The following MYO3B variants were observed in gnomAD, a reference collection of about 807,000 sequenced individuals.
MYO3B encodes myosin IIIB.
Under a neutral mutation model 174.6 loss-of-function variants are expected in MYO3B, and 156 were observed. The ratio of observed to expected loss-of-function variants is 0.89; its 90% confidence interval spans 0.78 to 1.02. MYO3B has a LOEUF of 1.02. Ranked by LOEUF, MYO3B falls within the 50% of genes least tolerant of loss-of-function variation. The probability of loss-of-function intolerance (pLI) is 0.00; values close to 1 mark genes in which losing one functional copy is unlikely to be tolerated. For missense variants in MYO3B, 1,632 were observed against 1,639.4 expected (o/e 1.00, Z 0.08); for synonymous variants, 563 against 569.1 (o/e 0.99, Z 0.15).
chr2:170,526,175 G>C (rs1207943220), intron 30 of MYO3B, among the ~76,000 whole-genome samples: 1 of 152,184 alleles, frequency 6.6e-6, no homozygotes, highest in East Asian at 1.9e-4. Flanking sequence ...CATTGGACAA[G>C]TTCCTTCCTC....
intron 7 of MYO3B, among the ~76,000 whole-genome samples, chr2:170,311,168 T>C (rs1362820164): frequency 6.6e-6 from 1 of 152,174 alleles, no homozygotes; most frequent in Non-Finnish European, 1.5e-5. Context: ...CGATTCTGTG[T>C]TTTAGCCTTT....
At chr2:170,439,973 C>A (rs1358108282) in intron 22 of MYO3B, among the ~76,000 whole-genome samples, 2 of 152,184 alleles carry the variant, frequency 1.3e-5, no homozygotes, top group Non-Finnish European at 2.9e-5. Context: ...AGCCACCATG[C>A]CTGGCTATAG....
At chr2:170,400,792 G>A (rs2094470785) in intron 17 of MYO3B, among the ~76,000 whole-genome samples, 1 of 151,670 alleles carries the variant, frequency 6.6e-6, no homozygotes, top group Admixed American at 6.6e-5. Context: ...CAAGTATTCT[G>A]CAGAAAAGAA....
intron 30 of MYO3B, among the ~76,000 whole-genome samples, chr2:170,521,992 A>G (rs1419222379): frequency 2.0e-5 from 3 of 152,132 alleles, no homozygotes; most frequent in Admixed American, 2.0e-4. Flanking sequence ...CCCTCTTCCA[A>G]GGGTATCTGT....
At chr2:170,398,789 A>G (rs1349079171) in intron 16 of MYO3B, among the ~76,000 whole-genome samples, 1 of 152,178 alleles carries the variant, frequency 6.6e-6, no homozygotes, top group Non-Finnish European at 1.5e-5. Context: ...CAATTCATAT[A>G]CCAAAATCCA....
chr2:170,431,332 A>G (rs970104435), intron 22 of MYO3B, among the ~76,000 whole-genome samples: 10 of 152,096 alleles, frequency 6.6e-5, no homozygotes, highest in Non-Finnish European at 1.3e-4. Context: ...AAACAGAGCA[A>G]CTCCACTATT....
chr2:170,424,225 C>G (rs1224114720), intron 22 of MYO3B, among the ~76,000 whole-genome samples: 1 of 152,158 alleles, frequency 6.6e-6, no homozygotes, highest in Non-Finnish European at 1.5e-5. Context: ...TTCCTGAGTT[C>G]CTTTTCCAGG....
intron 28 of MYO3B, among the ~76,000 whole-genome samples, chr2:170,511,311 C>T (rs1387653650): frequency 1.3e-5 from 2 of 151,766 alleles, no homozygotes; most frequent in Non-Finnish European, 2.9e-5. Context: ...CGTGATCCGC[C>T]TGCCTCGGCT....
At chr2:170,604,468 G>A (rs1370730460) in intron 32 of MYO3B, among the ~76,000 whole-genome samples, 1 of 151,602 alleles carries the variant, frequency 6.6e-6, no homozygotes, top group Non-Finnish European at 1.5e-5. Context: ...AATTAAAACT[G>A]TTAATTAAAC....
chr2:170,417,458 G>A (rs72876364), intron 22 of MYO3B, among the ~76,000 whole-genome samples: 4 of 152,132 alleles, frequency 2.6e-5, no homozygotes, highest in Admixed American at 2.0e-4. Context: ...AAAGTTGAAG[G>A]CCAAGTCTGG....
At chr2:170,248,221 A>G (rs905026979) in intron 7 of MYO3B, among the ~76,000 whole-genome samples, 7 of 152,024 alleles carry the variant, frequency 4.6e-5, no homozygotes, top group African/African-American at 1.7e-4. Flanking sequence ...TTCCTTCCGG[A>G]AGGGTGAAGG....
chr2:170,371,666 G>T (rs2094245765), intron 9 of MYO3B, among the ~76,000 whole-genome samples: 1 of 147,082 alleles, frequency 6.8e-6, no homozygotes. Context: ...TATATTTAAA[G>T]CTGTGGTTTT....
At chr2:170,544,938 A>C (rs1391395916) in intron 32 of MYO3B, among the ~76,000 whole-genome samples, 1 of 152,212 alleles carries the variant, frequency 6.6e-6, no homozygotes. Flanking sequence ...GAGAGAATTT[A>C]GGGGAAAAAC....
At chr2:170,504,394 T>C (rs1687489238) in intron 28 of MYO3B, among the ~76,000 whole-genome samples, 1 of 152,198 alleles carries the variant, frequency 6.6e-6, no homozygotes, top group Non-Finnish European at 1.5e-5. Flanking sequence ...TACATGTTGC[T>C]ACAGGGCAGC....
At chr2:170,250,743 A>G (rs9287936) in intron 7 of MYO3B, among the ~76,000 whole-genome samples, 8 of 152,010 alleles carry the variant, frequency 5.3e-5, no homozygotes, top group Non-Finnish European at 1.2e-4. Flanking sequence ...GTGGGGTTTT[A>G]TTGGGTGGTG....
chr2:170,638,673 GTC>G, intron 32 of MYO3B, among the ~76,000 whole-genome samples: 1 of 152,242 alleles, frequency 6.6e-6, no homozygotes, highest in East Asian at 1.9e-4. Context: ...CATCAGGCAT[GTC>G]TCTCACTGCA....
intron 25 of MYO3B, among the ~76,000 whole-genome samples, chr2:170,480,971 A>G (rs1685655809): frequency 6.6e-6 from 1 of 152,236 alleles, no homozygotes; most frequent in South Asian, 2.1e-4. Context: ...ACCTATGAGG[A>G]CATGGTCCAC....
At position 170,463,433 on chromosome 2, in the gene MYO3B, T is replaced by C. The variant is rs1684431224; in HGVS notation, c.2796T>C (p.Ala932=). ...ETTNMKRQTV[A]SYFRYSLMDL... is the part of the protein sequence containing the mutation. ...CCAACATGAAGAGGCAAACTGTGGC[T>C]TCTTACTTCCGGGTATGGAGTCTTC... Residue 932 remains alanine (A), a synonymous_variant, in exon 24 of 35, where the codon GCT becomes GCC. Transcript: ENST00000408978. 6.2e-7 allele frequency: 1 copy of C among 1,614,132 alleles called. No homozygotes were observed. Among genetic ancestry groups the C allele is most frequent in the East Asian group, 2.2e-5 (1 of 44,878 alleles).
At chr2:170,438,560 G>T (rs1454590438) in intron 22 of MYO3B, among the ~76,000 whole-genome samples, 1 of 152,072 alleles carries the variant, frequency 6.6e-6, no homozygotes, top group African/African-American at 2.4e-5. Context: ...AGTGCAGAGA[G>T]TTCTAATTTC....
Sources: gnomAD v4.1 joint callset for allele counts (sites outside exome capture counted in the v4.1 genomes callset) on GRCh38, gnomAD v4.1.1 for gene constraint, MANE v1.5 for transcripts, NCBI Gene and HGNC (gene_info 2026-07-23, HGNC 2026-07-21) for gene names.